PSMD14: variants seen among roughly 807,000 people sequenced by gnomAD.
PSMD14 encodes the protein proteasome 26S subunit, non-ATPase 14.
Under a neutral mutation model 41.2 loss-of-function variants are expected in PSMD14, and 7 were observed. The ratio of observed to expected loss-of-function variants is 0.17; its 90% CI spans 0.10 to 0.32. PSMD14 has a LOEUF of 0.32. PSMD14 is among the 10% of genes least tolerant of loss of function. The pLI, the probability that PSMD14 is intolerant of heterozygous loss-of-function variation, is 1.00. For missense variants in PSMD14, 139 were observed against 375.6 expected, an observed-to-expected ratio of 0.37 and a Z score of 5.21; for synonymous variants, 114 against 122.3, an observed-to-expected ratio of 0.93 and a Z score of 0.45.
At chr2:161,398,637 C>G (rs142369120) in intron 10 of PSMD14, among the ~76,000 whole-genome samples, 1 of 151,746 alleles carries the variant, frequency 6.6e-6, no homozygotes, top group Non-Finnish European at 1.5e-5. Flanking sequence ...AGCATAGAAA[C>G]AAAAATTTGC....
intron 4 of PSMD14, 62 bp from the exon 5 acceptor site, chr2:161,367,722 T>G: frequency 6.4e-7 from 1 of 1,556,938 alleles, no homozygotes. Flanking sequence ...TTTTGTTTTA[T>G]AAAGAAGAAC....
chr2:161,326,569 T>C (rs1364293438), intron 3 of PSMD14, among the ~76,000 whole-genome samples: 1 of 152,202 alleles, frequency 6.6e-6, no homozygotes, highest in African/African-American at 2.4e-5. Flanking sequence ...CCCAAAATAA[T>C]TGAAAGCAGA....
chr2:161,322,537 G>A (rs752262117), intron 3 of PSMD14, among the ~76,000 whole-genome samples: 22 of 152,062 alleles, frequency 1.4e-4, no homozygotes, highest in African/African-American at 4.8e-4. Context: ...TTACAGGCAT[G>A]AGCCTCCACG....
chr2:161,407,330 A>G (rs1683960486), intron 10 of PSMD14, among the ~76,000 whole-genome samples: 1 of 152,124 alleles, frequency 6.6e-6, no homozygotes. Flanking sequence ...TCTGAAAATG[A>G]GCATATTCTC....
intron 9 of PSMD14, among the ~76,000 whole-genome samples, chr2:161,393,843 G>A (rs1683750352): frequency 6.6e-6 from 1 of 151,836 alleles, no homozygotes. Context: ...TGAAAACTTA[G>A]GAACATCTAA....
At chr2:161,326,978 A>T (rs992775352) in intron 3 of PSMD14, among the ~76,000 whole-genome samples, 4 of 151,770 alleles carry the variant, frequency 2.6e-5, no homozygotes, top group African/African-American at 2.4e-5. Flanking sequence ...GAATCTGTGG[A>T]TGAGAAACCT....
At chr2:161,411,083 T>A (rs1291664558) in intron 11 of PSMD14, among the ~76,000 whole-genome samples, 1 of 152,172 alleles carries the variant, frequency 6.6e-6, no homozygotes, top group Non-Finnish European at 1.5e-5. Flanking sequence ...ATTGTATAAA[T>A]CAAGCTTTCA....
intron 10 of PSMD14, among the ~76,000 whole-genome samples, chr2:161,404,271 T>C (rs1003684590): frequency 6.6e-6 from 1 of 152,158 alleles, no homozygotes; most frequent in African/African-American, 2.4e-5. Flanking sequence ...AATTCAGATA[T>C]TGTCTCATTT....
At chr2:161,344,593 A>G (rs1320889001) in intron 3 of PSMD14, among the ~76,000 whole-genome samples, 2 of 150,254 alleles carry the variant, frequency 1.3e-5, no homozygotes, top group Non-Finnish European at 1.5e-5. Context: ...AGAGAGTTAA[A>G]TAAGAAATAA....
At chr2:161,319,159 C>A (rs961898300) in intron 3 of PSMD14, 2 of 289,996 alleles carry the variant, frequency 6.9e-6, no homozygotes, top group Non-Finnish European at 1.3e-5. Context: ...GAAAAAAAAA[C>A]CCTCAAAATA....
chr2:161,401,437 G>A (rs927481477), intron 10 of PSMD14, among the ~76,000 whole-genome samples: 2 of 152,192 alleles, frequency 1.3e-5, no homozygotes, highest in African/African-American at 4.8e-5. Flanking sequence ...TTAAATGGAC[G>A]CAACTAGCTG....
intron 3 of PSMD14, among the ~76,000 whole-genome samples, chr2:161,343,383 C>T (rs550258466): frequency 8.5e-5 from 13 of 152,306 alleles, no homozygotes; most frequent in African/African-American, 3.1e-4. Context: ...TAGTATGTGT[C>T]AGAATTGTAT....
intron 9 of PSMD14, among the ~76,000 whole-genome samples, chr2:161,394,759 G>A (rs1276774584): frequency 1.3e-5 from 2 of 152,138 alleles, no homozygotes; most frequent in East Asian, 3.9e-4. Flanking sequence ...TTTGTTTAAG[G>A]TAGTGTAGTG....
intron 8 of PSMD14, among the ~76,000 whole-genome samples, chr2:161,388,856 G>A (rs899341788): frequency 2.6e-5 from 4 of 152,080 alleles, no homozygotes; most frequent in African/African-American, 4.8e-5. Flanking sequence ...GTGCATAGAG[G>A]TAAAATCATA....
intron 5 of PSMD14, among the ~76,000 whole-genome samples, chr2:161,368,621 AT>A (rs1683391455): frequency 6.6e-6 from 1 of 152,072 alleles, no homozygotes; most frequent in African/African-American, 2.4e-5. Context: ...AAAAAAGCAC[AT>A]ATATCCTTCT....
chr2:161,312,609 A>T (rs944208485), intron 1 of PSMD14, among the ~76,000 whole-genome samples: 3 of 152,222 alleles, frequency 2.0e-5, no homozygotes, highest in African/African-American at 7.2e-5. Context: ...TATTGTATGT[A>T]TGACATTATG....
chr2:161,325,094 C>T (rs926743796), intron 3 of PSMD14, among the ~76,000 whole-genome samples: 5 of 152,006 alleles, frequency 3.3e-5, no homozygotes, highest in African/African-American at 9.7e-5. Flanking sequence ...GTATTTTACA[C>T]AGAAATCACA....
At chr2:161,392,910 T>G (rs996482270) in intron 9 of PSMD14, among the ~76,000 whole-genome samples, 2 of 152,230 alleles carry the variant, frequency 1.3e-5, no homozygotes, top group Non-Finnish European at 2.9e-5. Context: ...TGGAAATGTC[T>G]AGCTAATTAC....
intron 9 of PSMD14, among the ~76,000 whole-genome samples, chr2:161,394,664 G>A (rs1683766377): frequency 6.6e-6 from 1 of 152,188 alleles, no homozygotes; most frequent in Non-Finnish European, 1.5e-5. Flanking sequence ...TTTAGTGGGA[G>A]AGAAATGCAG....
Sources: gnomAD v4.1 joint callset for allele counts (sites outside exome capture counted in the v4.1 genomes callset) on GRCh38, gnomAD v4.1.1 for gene constraint, MANE v1.5 for transcripts, NCBI Gene and HGNC (gene_info 2026-07-23, HGNC 2026-07-21) for gene names.